Variants in CCDC157 observed in about 807,000 individuals in gnomAD.
CCDC157 encodes the protein coiled-coil domain containing 157.
A neutral mutation model predicts 70.9 loss-of-function variants in CCDC157; 60 were observed. That is an observed-to-expected ratio of 0.85 (90% CI 0.69 to 1.05). The LOEUF (loss-of-function observed/expected upper bound fraction) is 1.05. Among genes scored for constraint, CCDC157 ranks in the 50% least tolerant of loss-of-function variants. CCDC157 has a pLI of 0.00. For synonymous variants in CCDC157, 373 were observed against 422.4 expected (o/e 0.88, Z 1.43); for missense variants, 943 against 984.2 (o/e 0.96, Z 0.56).
intron 9 of CCDC157, chr22:30,374,857 G>C: frequency 2.4e-6 from 1 of 420,148 alleles, no homozygotes; most frequent in Non-Finnish European, 4.8e-6. Context: ...GCTTGAGCTG[G>C]CCGTGTGACC....
At chr22:30,358,676 A>G (rs559897136) in intron 1 of CCDC157, among the ~76,000 whole-genome samples, 2 of 152,350 alleles carry the variant, frequency 1.3e-5, no homozygotes, top group Non-Finnish European at 1.5e-5. Flanking sequence ...AATGCAGGAA[A>G]GGCTCCTGCT....
chr22:30,370,231 C>T (rs1932874521), intron 4 of CCDC157, 95 bp from the exon 5 acceptor site: 1 of 1,364,394 alleles, frequency 7.3e-7, no homozygotes, highest in African/African-American at 1.4e-5. Context: ...TCAGGCAAGG[C>T]TGTCACACTG....
At chr22:30,363,667 T>G (rs1449404017) in intron 2 of CCDC157, among the ~76,000 whole-genome samples, 1 of 143,850 alleles carries the variant, frequency 7.0e-6, no homozygotes, top group Non-Finnish European at 1.5e-5. Flanking sequence ...TAGAAGAAAA[T>G]AAATGGAATG....
intron 2 of CCDC157, among the ~76,000 whole-genome samples, chr22:30,365,672 G>A (rs1158465173): frequency 1.3e-5 from 2 of 152,162 alleles, no homozygotes; most frequent in African/African-American, 4.8e-5. Flanking sequence ...AGGAAAGGAT[G>A]GTAGGCATGT....
chr22:30,358,204 T>C (rs373641806), intron 1 of CCDC157, among the ~76,000 whole-genome samples: 1 of 152,044 alleles, frequency 6.6e-6, no homozygotes, highest in African/African-American at 2.4e-5. Flanking sequence ...TCTCAAGTCT[T>C]CCCCCTCCCC....
At chr22:30,366,430 T>G in intron 3 of CCDC157, 182 bp downstream of exon 3, 1 of 706,082 alleles carries the variant, frequency 1.4e-6, no homozygotes, top group Admixed American at 2.5e-5. Flanking sequence ...ATCATGTGTC[T>G]TGTGTTGTGT....
chr22:30,371,113 G>A (rs908664449), intron 5 of CCDC157, 163 bp downstream of exon 5: 2 of 831,376 alleles, frequency 2.4e-6, no homozygotes, highest in Non-Finnish European at 3.7e-6. Context: ...GGAAGGGGGT[G>A]TTCATCCGGT....
chr22:30,358,762 A>C (rs893184229), intron 1 of CCDC157, among the ~76,000 whole-genome samples: 35 of 152,324 alleles, frequency 2.3e-4, no homozygotes, highest in Admixed American at 4.6e-4. Flanking sequence ...GCTCCTCCCT[A>C]AGGGCTCAAT....
At position 30,376,704 on chromosome 22, in the gene CCDC157, C is replaced by A. The variant is rs1933393767; in HGVS notation, c.2218C>A (p.Gln740Lys). 8.1e-6 allele frequency: 13 copies of A among 1,613,208 alleles called. No homozygotes were observed. Among genetic ancestry groups the A allele is most frequent in the Non-Finnish European group, 1.1e-5 (13 of 1,180,016 alleles). ...AAAGAGACTGTCACCTGGCCGGGGA[C>A]AGGCCAGCTCTGCACACCAGCCCCA... Reference protein sequence around the residue: ...LRKRLSPGRGQASSAHQPQER... With the variant: ...LRKRLSPGRGKASSAHQPQER... Residue 740 changes from glutamine (Q) to lysine (K), a missense_variant, in exon 12 of 12, where the codon CAG (glutamine) becomes AAG (lysine). By Grantham distance (53) the Gln-to-Lys change is moderately conservative. Transcript: ENST00000338306.
At chr22:30,364,981 A>C (rs1207916421) in intron 2 of CCDC157, among the ~76,000 whole-genome samples, 1 of 152,072 alleles carries the variant, frequency 6.6e-6, no homozygotes, top group African/African-American at 2.4e-5. Context: ...TCAATCACTG[A>C]GTCATTATTT....
chr22:30,375,375 G>A (rs1233789140), intron 9 of CCDC157, 104 bp from the exon 10 acceptor site: 1 of 1,035,872 alleles, frequency 9.7e-7, no homozygotes, highest in Non-Finnish European at 1.5e-6. Context: ...GGAGAAGGAA[G>A]ATGAGCTAGG....
Position 30,372,217 on chromosome 22 carries a change from G to T in CCDC157, c.1266G>T (p.Gln422His). 1 of 1,596,232 alleles carries T rather than the reference G, an allele frequency of 6.3e-7. No individual in the cohort carries two copies. The highest frequency in any genetic ancestry group is 8.5e-7 in the Non-Finnish European group (1 of 1,174,596). ...LVGRLEGAGQ[Q>H]VCWASTELDK... The stretch of plus-strand genomic sequence containing the variant: ...GTCGGCTGGAGGGCGCTGGCCAGCA[G>T]GTCTGCTGGGCCAGCACGGAGCTGG... The change falls in exon 7 of 12, where the codon CAG becomes CAT. Residue 422 changes from glutamine to histidine, a missense_variant. By Grantham distance (24) the Gln-to-His change is conservative (BLOSUM62 0). Coordinates refer to ENST00000338306, the MANE Select transcript of CCDC157 (RefSeq NM_001017437.5).
chr22:30,371,595 G>A, intron 5 of CCDC157, 55 bp from the exon 6 acceptor site: 1 of 1,472,236 alleles, frequency 6.8e-7, no homozygotes, highest in Non-Finnish European at 9.5e-7. Flanking sequence ...GGGCATGAAG[G>A]CCGCCGGCCA....
chr22:30,370,386 A>C lies in CCDC157; in HGVS notation c.481A>C (p.Arg161=), dbSNP rs1932882235. The C allele has an allele frequency of 6.2e-7, 1 of 1,614,016 alleles. No individual in the cohort carries two copies. Among genetic ancestry groups the C allele is most frequent in the Non-Finnish European group, 8.5e-7 (1 of 1,180,034 alleles). ...SKPTTKGEPA[R]SPEYLTTKLI... is the part of the protein sequence containing the mutation. The stretch of plus-strand genomic sequence containing the variant: ...GCCCACCACCAAGGGCGAGCCAGCC[A>C]GGAGCCCTGAATATCTGACTACCAA... The change falls in exon 5 of 12, where the codon AGG becomes CGG. Residue 161 remains arginine, a synonymous_variant. Coordinates refer to ENST00000338306, the MANE Select transcript of CCDC157 (RefSeq NM_001017437.5).
In CCDC157 at chr22:30,370,928, C is replaced by A. The variant is rs193006108; in HGVS notation, c.1023C>A (p.His341Gln). Reference protein sequence around the residue: ...EDEQCLSEWEHDKQQLLTETS... With the variant: ...EDEQCLSEWEQDKQQLLTETS... ...AGCAGTGCCTGTCTGAGTGGGAGCA[C>A]GACAAACAGCAGCTGCTCACAGGTC... Residue 341 changes from histidine to glutamine, a missense_variant, in exon 5 of 12, where the codon CAC (histidine) becomes CAA (glutamine). His to Gln is a conservative substitution (Grantham distance 24, BLOSUM62 0). Coordinates refer to ENST00000338306, the MANE Select transcript of CCDC157 (RefSeq NM_001017437.5). 6.2e-7 allele frequency: 1 copy of A among 1,609,372 alleles called. No homozygotes were observed. Among genetic ancestry groups the A allele is most frequent in the Non-Finnish European group, 8.5e-7 (1 of 1,179,234 alleles).
At position 30,371,667 on chromosome 22, in the gene CCDC157, A is replaced by G. The variant is rs147173226; in HGVS notation, c.1063A>G (p.Thr355Ala). The change falls in exon 6 of 12, where the codon ACA becomes GCA. Residue 355 changes from threonine to alanine, a missense_variant. Thr to Ala is a moderately conservative substitution (Grantham distance 58). Transcript: ENST00000338306. ...TGCCATAGAAACAAGTGACCTAAAGACAAAGATGGCCACCCTGGAGAGAGA... is the reference window on the plus strand; with the variant it reads ...TGCCATAGAAACAAGTGACCTAAAGGCAAAGATGGCCACCCTGGAGAGAGA... ...QLLTETSDLK[T>A]KMATLERELK... The G allele has an allele frequency of 3.1e-6, 5 of 1,614,026 alleles. No homozygotes were observed. The African/African-American group carries it at 6.7e-5, about 22-fold the overall frequency.
Position 30,378,095 on chromosome 22 carries a change from A to C in CCDC157, c.*1350A>C, listed in dbSNP as rs1933448346. 2 of 470,758 alleles carry C rather than the reference A, an allele frequency of 4.2e-6. No homozygotes were observed. Among genetic ancestry groups the C allele is most frequent in the Non-Finnish European group, 8.8e-6 (2 of 226,972 alleles). The allele number at this position is 470,758 out of a possible 1,614,324, so 29.2% of individuals were successfully genotyped here. On this transcript the variant is annotated 3_prime_UTR_variant, in exon 12 of 12. Transcript: ENST00000338306. ...GGCTGGCTGTAAGCCAGGTCCTCTC[A>C]CGGCTCCTAGAGGCCGTCCACCTTC...
upstream of CCDC157, chr22:30,356,941 C>T (rs1931913139): frequency 1.6e-6 from 1 of 614,124 alleles, no homozygotes; most frequent in Non-Finnish European, 2.4e-6. Context: ...GGCGCACTTC[C>T]GGGACCGTCC....
rs2145912844 is a variant in CCDC157, at chr22:30,369,618, C to G, written c.420+15C>G. On this transcript the variant is annotated intron_variant, in intron 4 of 11. Coordinates refer to ENST00000338306, the MANE Select transcript of CCDC157 (RefSeq NM_001017437.5). ...CACTCCCCCAGGTGGGTCCCAGCCT[C>G]TGTCTCAGGTGGGTCAGCCTCAGCC... The G allele has an allele frequency of 1.3e-6, 2 of 1,515,594 alleles. No individual in the cohort carries two copies. The highest frequency in any genetic ancestry group is 2.1e-4 in the Middle Eastern group (1 of 4,748). The allele number at this position is 1,515,594 out of a possible 1,614,324, so 93.9% of individuals were successfully genotyped here.
Sources: gnomAD v4.1 joint callset for allele counts (sites outside exome capture counted in the v4.1 genomes callset) on GRCh38, gnomAD v4.1.1 for gene constraint, MANE v1.5 for transcripts, NCBI Gene and HGNC (gene_info 2026-07-23, HGNC 2026-07-21) for gene names.